DSP: variants seen among roughly 807,000 people sequenced by gnomAD.
DSP encodes the protein desmoplakin, also known as 250/210 kDa paraneoplastic pemphigus antigen.
Under a neutral mutation model 290.6 loss-of-function variants are expected in DSP, and 114 were observed. The observed-to-expected ratio is 0.39, with a 90% CI of 0.34 to 0.46. The LOEUF (loss-of-function observed/expected upper bound fraction) is 0.46. DSP is among the 20% of genes least tolerant of loss of function. The pLI is 0.99. For synonymous variants in DSP, 1,311 were observed against 1,316.4 expected (o/e 1.00, Z 0.09); for missense variants, 3,230 against 3,495.8 (o/e 0.92, Z 1.92).
chr6:7,547,815 T>C (rs1008749528), intron 1 of DSP, among the ~76,000 whole-genome samples: 1 of 152,202 alleles, frequency 6.6e-6, no homozygotes, highest in African/African-American at 2.4e-5. Context: ...TCAGTTATTT[T>C]TGAGTCTTGT....
rs141508330 is a variant in DSP at position 7,579,752 on chromosome 6, T to C, written c.3562T>C (p.Tyr1188His). ...LQEEGTRKRE[Y>H]ENELAKVRNH... Reference sequence around the variant, plus strand: ...GGAAGAAGGCACCCGGAAGAGAGAATATGAAAATGAGCTGGCAAAGGTAAG... The same window carrying C: ...GGAAGAAGGCACCCGGAAGAGAGAACATGAAAATGAGCTGGCAAAGGTAAG... Residue 1188 changes from tyrosine (Y) to histidine (H), a missense_variant, in exon 23 of 24, where the codon TAT becomes CAT. This residue lies in a region of DSP where 1,714 missense variants were observed against 1,844.5 expected (regional missense o/e 0.93). Transcript: ENST00000379802. This position sits in a 1 kb window ranked among gnomAD's most constrained non-coding sequence, Gnocchi z 4.1. 3.0e-4 allele frequency: 488 copies of C among 1,613,404 alleles called. No individual in the cohort carries two copies. Among genetic ancestry groups the C allele is most frequent in the Non-Finnish European group, 4.0e-4 (474 of 1,179,816 alleles).
chr6:7,576,613 G>A (rs1759248269), intron 19 of DSP, among the ~76,000 whole-genome samples, 157 bp downstream of exon 19: 1 of 152,184 alleles, frequency 6.6e-6, no homozygotes, highest in African/African-American at 2.4e-5. Context: ...CAGAGGAAAA[G>A]CAACTGAGAT....
intron 1 of DSP, among the ~76,000 whole-genome samples, chr6:7,548,128 G>A (rs925424718): frequency 1.3e-5 from 2 of 152,048 alleles, no homozygotes; most frequent in Admixed American, 6.6e-5. Flanking sequence ...TTAGCTGGGC[G>A]TGGTGGCGGG....
rs139830549 is a variant in DSP at position 7,575,507 on chromosome 6, G to A, written c.2630+19G>A. 53 of 1,613,468 alleles carry A rather than the reference G, an allele frequency of 3.3e-5. No homozygotes were observed. Among genetic ancestry groups the A allele is most frequent in the African/African-American group, 2.3e-4 (17 of 75,004 alleles). On this transcript the variant is annotated intron_variant, in intron 18 of 23. Transcript: ENST00000379802. ...ACTTTAGGTATGCCAGCCTCCTCCC[G>A]CTCCTTCCCCATCTTCTCCCCTTTT... is the stretch of plus-strand genomic sequence containing the variant.
At chr6:7,572,177 C>T (rs888372083) in intron 15 of DSP, 109 bp downstream of exon 15, 28 of 1,006,430 alleles carry the variant, frequency 2.8e-5, no homozygotes, top group Non-Finnish European at 3.8e-5. Context: ...TATTAACTTT[C>T]AAGAAAACAG....
rs1759517807 is a variant in DSP at position 7,583,427 on chromosome 6, A to G, written c.6165A>G (p.Thr2055=). The change falls in exon 24 of 24, where the codon ACA becomes ACG. Residue 2055 remains threonine (T), a synonymous_variant. Coordinates refer to ENST00000379802, the MANE Select transcript of DSP (RefSeq NM_004415.4). This position sits in a 1 kb window ranked among gnomAD's most constrained non-coding sequence, Gnocchi z 4.0. ...TGCTTCTGGAGGCCCAGGCAGCTACAGGTGGTATAATTGATCCCCATCGGA... is the reference window on the plus strand; with the variant it reads ...TGCTTCTGGAGGCCCAGGCAGCTACGGGTGGTATAATTGATCCCCATCGGA... The part of the protein sequence containing the change: ...TVMLLEAQAA[T]GGIIDPHRNE... 6.2e-7 allele frequency: 1 copy of G among 1,614,206 alleles called. No homozygotes were observed. Among genetic ancestry groups the G allele is most frequent in the East Asian group, 2.2e-5 (1 of 44,888 alleles).
intron 3 of DSP, 89 bp from the exon 4 acceptor site, chr6:7,559,137 A>G (rs1346599982): frequency 6.9e-7 from 1 of 1,452,548 alleles, no homozygotes; most frequent in Non-Finnish European, 9.6e-7. Context: ...CTCTATTGAC[A>G]CAAAAGACTC....
chr6:7,583,552 A>G lies in DSP; in HGVS notation c.6290A>G (p.Asp2097Gly), dbSNP rs781279370. The change falls in exon 24 of 24, where the codon GAT (aspartate) becomes GGT (glycine). Residue 2097 changes from aspartate to glycine, a missense_variant. Around this residue, in one of 5 missense-constraint regions of DSP, gnomAD observed 1,714 missense variants for 1,844.5 expected, o/e 0.93. Transcript: ENST00000379802. This position sits in a 1 kb window ranked among gnomAD's most constrained non-coding sequence, Gnocchi z 4.0. Reference protein sequence around the residue: ...YAAEKAITGFDDPFSGKTVSV... With the variant: ...YAAEKAITGFGDPFSGKTVSV... The stretch of plus-strand genomic sequence containing the variant: ...GCAGAAAAAGCTATCACTGGTTTTG[A>G]TGATCCATTTTCAGGCAAGACAGTA... 3 of 1,614,160 alleles carry G rather than the reference A, an allele frequency of 1.9e-6. No individual in the cohort carries two copies. The highest frequency in any genetic ancestry group is 1.7e-6 in the Non-Finnish European group (2 of 1,180,020).
At chr6:7,552,825 A>G (rs527388234) in intron 1 of DSP, among the ~76,000 whole-genome samples, 2 of 152,296 alleles carry the variant, frequency 1.3e-5, no homozygotes, top group South Asian at 2.1e-4. Flanking sequence ...TTTTAAGCCA[A>G]TGTTTGGTTG....
intron 16 of DSP, 109 bp downstream of exon 16, chr6:7,574,361 T>C: frequency 3.4e-6 from 4 of 1,164,916 alleles, no homozygotes; most frequent in African/African-American, 1.5e-5. Flanking sequence ...ACTAGAGATT[T>C]ACTTACATCC....
intron 8 of DSP, among the ~76,000 whole-genome samples, chr6:7,566,940 T>A (rs1237917003): frequency 6.6e-6 from 1 of 152,126 alleles, no homozygotes; most frequent in African/African-American, 2.4e-5. Flanking sequence ...TCCATATCAG[T>A]TGGTAAGAAT....
chr6:7,581,100 G>A lies in DSP; in HGVS notation c.4910G>A (p.Arg1637Lys). 1 of 1,614,060 alleles carries A rather than the reference G, an allele frequency of 6.2e-7. No homozygotes were observed. The highest frequency in any genetic ancestry group is 8.5e-7 in the Non-Finnish European group (1 of 1,180,028). The part of the protein sequence containing the change: ...KRSEDDLRQQ[R>K]DVLDGHLREK... ...AGTGAGGATGACCTCCGGCAGCAGA[G>A]GGACGTGCTGGATGGCCACCTGAGG... The change falls in exon 23 of 24, where the codon AGG (arginine) becomes AAG (lysine). Residue 1637 changes from arginine to lysine, a missense_variant. Physicochemically the swap from Arg to Lys is conservative, Grantham distance 26. Coordinates refer to ENST00000379802, the MANE Select transcript of DSP (RefSeq NM_004415.4).
chr6:7,578,188 C>T (rs1759304285), intron 21 of DSP, among the ~76,000 whole-genome samples: 1 of 152,102 alleles, frequency 6.6e-6, no homozygotes, highest in Admixed American at 6.5e-5. Flanking sequence ...GTGGAAAATA[C>T]AGAAATTTCT....
intron 6 of DSP, among the ~76,000 whole-genome samples, chr6:7,564,464 G>A (rs1447951721): frequency 7.9e-5 from 12 of 152,144 alleles, no homozygotes; most frequent in African/African-American, 2.7e-4. Context: ...GGGCTGGGGT[G>A]TGACTTATGG....
chr6:7,573,470 C>T (rs779740133), intron 15 of DSP, among the ~76,000 whole-genome samples: 2 of 151,710 alleles, frequency 1.3e-5, no homozygotes, highest in Non-Finnish European at 2.9e-5. Context: ...CTCAGCTACT[C>T]AGGAGGCTGA....
Position 7,585,173 on chromosome 6 carries a change from A to G in DSP, c.7911A>G (p.Ile2637Met), listed in dbSNP as rs2113703589. The change falls in exon 24 of 24, where the codon ATA becomes ATG. Residue 2637 changes from isoleucine (I) to methionine (M), a missense_variant. Around this residue, in one of 5 missense-constraint regions of DSP, gnomAD observed 582 missense variants for 555.4 expected, o/e 1.05. Transcript: ENST00000379802. ...NLEKISITEG[I>M]ERGIVDSITG... ...AGAAAATCTCCATTACAGAAGGTAT[A>G]GAGCGGGGCATCGTTGACAGCATCA... The G allele has an allele frequency of 6.2e-7, 1 of 1,614,200 alleles. No homozygotes were observed. Among genetic ancestry groups the G allele is most frequent in the Admixed American group, 1.7e-5 (1 of 60,020 alleles).
At position 7,580,488 on chromosome 6, in the gene DSP, A is replaced by C; in HGVS notation, c.4298A>C (p.Gln1433Pro). The C allele has an allele frequency of 6.2e-7, 1 of 1,614,166 alleles. No homozygotes were observed. Residue 1433 changes from glutamine (Q) to proline (P), a missense_variant, in exon 23 of 24, where the codon CAA (glutamine) becomes CCA (proline). Coordinates refer to ENST00000379802, the MANE Select transcript of DSP (RefSeq NM_004415.4). This position sits in a 1 kb window ranked among gnomAD's most constrained non-coding sequence, Gnocchi z 4.2. ...LRRVEEDIQQ[Q>P]KATGSEVSQR... ...AGGGTGGAAGAAGACATCCAACAGC[A>C]AAAGGCCACTGGCTCTGAGGTGTCT...
At chr6:7,571,233 A>G (rs1759040477) in intron 13 of DSP, 150 bp from the exon 14 acceptor site, 1 of 809,906 alleles carries the variant, frequency 1.2e-6, no homozygotes, top group East Asian at 2.4e-5. Context: ...AACAATGTCT[A>G]AAACCTAAAA....
chr6:7,570,303 G>A (rs1465051399), intron 12 of DSP, 134 bp from the exon 13 acceptor site: 4 of 1,339,082 alleles, frequency 3.0e-6, no homozygotes, highest in African/African-American at 1.4e-5. Flanking sequence ...TGTTTTCAAA[G>A]TTATACCTCT....
Sources: allele counts gnomAD v4.1 joint callset (sites outside exome capture counted in the v4.1 genomes callset), GRCh38; gene constraint gnomAD v4.1.1; regional missense constraint gnomAD v4.1.1; non-coding constraint Gnocchi (gnomAD v3.1); transcripts MANE v1.5; gene names NCBI Gene and HGNC (gene_info 2026-07-23, HGNC 2026-07-21).